FAM135A: variants seen among roughly 807,000 people sequenced by gnomAD.
The protein encoded by FAM135A is protein FAM135A.
FAM135A carries 79 observed loss-of-function variants against 146.8 expected under a neutral mutation model. That is an observed-to-expected ratio of 0.54 (90% CI 0.45 to 0.65). The LOEUF (loss-of-function observed/expected upper bound fraction) is 0.65, where lower values mean the gene tolerates loss of function less well. FAM135A is among the 30% of genes least tolerant of loss of function. The pLI, the probability that FAM135A is intolerant of heterozygous loss-of-function variation, is 0.00. For synonymous variants in FAM135A, 562 were observed against 603.6 expected, an observed-to-expected ratio of 0.93 and a Z score of 1.01; for missense variants, 1,623 against 1,758.2, an observed-to-expected ratio of 0.92 and a Z score of 1.38.
At chr6:70,529,785 G>A (rs1023349657) in intron 16 of FAM135A, among the ~76,000 whole-genome samples, 5 of 152,048 alleles carry the variant, frequency 3.3e-5, no homozygotes, top group Non-Finnish European at 7.4e-5. Context: ...TTAATGGGCC[G>A]GGCGCTGTGG....
intron 16 of FAM135A, among the ~76,000 whole-genome samples, chr6:70,529,925 G>T (rs34941671): frequency 0.025 from 3,807 of 152,176 alleles, 83 homozygotes; most frequent in South Asian, 0.043. Context: ...TTAGCTGGGC[G>T]TGGTGGCGGG....
intron 12 of FAM135A, among the ~76,000 whole-genome samples, chr6:70,520,520 G>A (rs548134187): frequency 6.6e-5 from 10 of 152,154 alleles, no homozygotes; most frequent in Admixed American, 3.9e-4. Context: ...ACTCTGTGAA[G>A]CATTAACAAA....
intron 4 of FAM135A, among the ~76,000 whole-genome samples, chr6:70,431,730 T>C (rs1771685000): frequency 6.6e-6 from 1 of 152,236 alleles, no homozygotes; most frequent in South Asian, 2.1e-4. Context: ...AACATGATTT[T>C]GACAAGCTAA....
At chr6:70,530,313 A>G (rs1486630755) in intron 16 of FAM135A, among the ~76,000 whole-genome samples, 2 of 152,150 alleles carry the variant, frequency 1.3e-5, no homozygotes, top group African/African-American at 4.8e-5. Flanking sequence ...GGATTAGTCT[A>G]TTTCCTTAAT....
intron 19 of FAM135A, among the ~76,000 whole-genome samples, chr6:70,537,063 G>A (rs575700273): frequency 6.6e-6 from 1 of 151,890 alleles, no homozygotes; most frequent in African/African-American, 2.4e-5. Context: ...AGCCTCCGGA[G>A]TAGCTGGGAT....
At position 70,504,416 on chromosome 6, in the gene FAM135A, T is replaced by C. The variant is rs529328739; in HGVS notation, c.1029+1625T>C. The C allele has an allele frequency of 8.5e-5, 13 of 152,328 alleles. No homozygotes were observed. In the South Asian group the frequency reaches 2.7e-3, roughly 32 times the overall value. 9.4% of individuals were successfully genotyped at this position (152,328 alleles called of 1,614,324 possible). A position where few individuals can be genotyped will look rare whatever the true frequency, so the allele number is the denominator to read the frequency against. Reference sequence around the variant, plus strand: ...TTCATGGTTTATTATTTTCATTGACTTTATATTGTTTTTTAATGAACTGGA... The same window carrying C: ...TTCATGGTTTATTATTTTCATTGACCTTATATTGTTTTTTAATGAACTGGA... On this transcript the variant is annotated intron_variant, in intron 12 of 21. Coordinates refer to ENST00000418814, the MANE Select transcript of FAM135A (RefSeq NM_001162529.3).
chr6:70,428,768 A>G (rs568955850), intron 4 of FAM135A, among the ~76,000 whole-genome samples: 12 of 152,328 alleles, frequency 7.9e-5, no homozygotes, highest in African/African-American at 2.9e-4. Flanking sequence ...ACAAACATAC[A>G]TGATGAAGCT....
At chr6:70,496,580 AT>A (rs1039044935) in intron 11 of FAM135A, among the ~76,000 whole-genome samples, 1 of 152,056 alleles carries the variant, frequency 6.6e-6, no homozygotes, top group Non-Finnish European at 1.5e-5. Context: ...TTTGCCCATC[AT>A]GCCCGTGTCC....
chr6:70,547,275 C>G (rs898950378), intron 20 of FAM135A, among the ~76,000 whole-genome samples: 5 of 152,028 alleles, frequency 3.3e-5, no homozygotes, highest in African/African-American at 1.2e-4. Flanking sequence ...TATTTTGTTT[C>G]TGAAAGTGCG....
At chr6:70,530,931 C>A (rs767245555) in intron 16 of FAM135A, among the ~76,000 whole-genome samples, 3 of 152,112 alleles carry the variant, frequency 2.0e-5, no homozygotes, top group Admixed American at 6.5e-5. Flanking sequence ...CATGTCAGTG[C>A]CTTCTTTTTT....
At chr6:70,478,078 T>C (rs1015316246) in intron 8 of FAM135A, among the ~76,000 whole-genome samples, 4 of 152,200 alleles carry the variant, frequency 2.6e-5, no homozygotes, top group African/African-American at 9.6e-5. Flanking sequence ...TTTATCTTCT[T>C]AACTGTACAT....
chr6:70,482,766 C>T (rs1783967211), intron 10 of FAM135A, among the ~76,000 whole-genome samples: 2 of 151,970 alleles, frequency 1.3e-5, no homozygotes, highest in Admixed American at 1.3e-4. Flanking sequence ...TTGTAGCTTG[C>T]AAAATGCTTT....
chr6:70,428,466 GTTTAAA>G (rs1256262059), intron 4 of FAM135A, 47 bp downstream of exon 4: 21 of 1,299,304 alleles, frequency 1.6e-5, no homozygotes, highest in South Asian at 3.3e-5. Flanking sequence ...AAGATGTACA[GTTTAAA>G]TTTAAATTTA....
In FAM135A at chr6:70,526,352, C is replaced by T; in HGVS notation, c.3268C>T (p.Gln1090Ter). 6.2e-7 allele frequency: 1 copy of T among 1,613,364 alleles called. No homozygotes were observed. ...GGATAAAGAGGATGAGGAGGAAGAG[C>T]AGGATCAACAAATGGTTCAAAATGG... ...EQDKEDEEEE[Q>*]DQQMVQNGYY... is the part of the protein sequence containing the mutation. Residue 1090 changes from glutamine (Q) to a stop codon, truncating the protein, a stop_gained, in exon 15 of 22, where the codon CAG becomes TAG. Transcript: ENST00000418814. LOFTEE classifies it high-confidence loss of function.
intron 12 of FAM135A, among the ~76,000 whole-genome samples, chr6:70,511,811 A>G (rs1411605709): frequency 1.3e-5 from 2 of 151,922 alleles, no homozygotes; most frequent in Non-Finnish European, 2.9e-5. Context: ...AAACTAGATA[A>G]TACAGCCTGT....
intron 8 of FAM135A, 97 bp downstream of exon 8, chr6:70,477,429 G>T: frequency 1.5e-6 from 2 of 1,294,468 alleles, no homozygotes; most frequent in South Asian, 1.5e-5. Flanking sequence ...GGTTTAATTG[G>T]GTCATGGTTC....
At chr6:70,426,298 A>G (rs1770136472) in intron 2 of FAM135A, 141 bp from the exon 3 acceptor site, 1 of 152,148 alleles carries the variant, frequency 6.6e-6, no homozygotes, top group African/African-American at 2.4e-5. Flanking sequence ...AAGTCTCTAA[A>G]ACTTATTCAT....
chr6:70,452,548 A>G lies in FAM135A; in HGVS notation c.134A>G (p.Glu45Gly). Residue 45 changes from glutamate to glycine, a missense_variant, in exon 5 of 22, where the codon GAA becomes GGA. By Grantham distance (98) the Glu-to-Gly change is moderately conservative (BLOSUM62 -2). Around this residue, in one of 7 missense-constraint regions of FAM135A, gnomAD observed 171 missense variants for 164.9 expected, o/e 1.04. Coordinates refer to ENST00000418814, the MANE Select transcript of FAM135A (RefSeq NM_001162529.3). ...CCATCAAGAATTCCCCACAGAGTAG[A>G]AGCTAGTTTGTTGCATGCAACAGGT... ...KIPSRIPHRV[E>G]ASLLHATGMT... 1.3e-6 allele frequency: 2 copies of G among 1,595,118 alleles called. No homozygotes were observed. The highest frequency in any genetic ancestry group is 1.7e-6 in the Non-Finnish European group (2 of 1,174,762).
chr6:70,442,039 C>T (rs370854014), intron 4 of FAM135A, among the ~76,000 whole-genome samples: 17 of 151,932 alleles, frequency 1.1e-4, no homozygotes, highest in African/African-American at 4.1e-4. Context: ...ATTTTCAATT[C>T]CAGTTTAAGT....
Sources: allele counts gnomAD v4.1 joint callset (sites outside exome capture counted in the v4.1 genomes callset), GRCh38; gene constraint gnomAD v4.1.1; regional missense constraint gnomAD v4.1.1; transcripts MANE v1.5; gene names NCBI Gene and HGNC (gene_info 2026-07-23, HGNC 2026-07-21).